Variants in TMEM248 observed in about 807,000 individuals in gnomAD.
TMEM248 encodes UPF0458 protein C7orf42.
A neutral mutation model predicts 30.3 loss-of-function variants in TMEM248; 9 were observed. The ratio of observed to expected loss-of-function variants is 0.30; its 90% CI spans 0.18 to 0.52. The LOEUF (loss-of-function observed/expected upper bound fraction) is 0.52. TMEM248 is among the 20% of genes least tolerant of loss of function. The probability of loss-of-function intolerance (pLI) is 0.97; values close to 1 mark genes in which losing one functional copy is unlikely to be tolerated. For synonymous variants in TMEM248, 184 were observed against 154.4 expected (o/e 1.19, Z -1.42); for missense variants, 338 against 403.3 (o/e 0.84, Z 1.39).
chr7:66,947,815 T>A (rs1792151250), intron 3 of TMEM248, among the ~76,000 whole-genome samples: 1 of 152,128 alleles, frequency 6.6e-6, no homozygotes, highest in African/African-American at 2.4e-5. Flanking sequence ...CAGGCTAGAG[T>A]GCAGTGGTGT....
At chr7:66,947,232 AAAAC>A (rs1228474154) in intron 3 of TMEM248, among the ~76,000 whole-genome samples, 3 of 151,468 alleles carry the variant, frequency 2.0e-5, no homozygotes, top group African/African-American at 4.8e-5. Flanking sequence ...AAAAAAAAAA[AAAAC>A]AAGAAACAAA....
intron 1 of TMEM248, among the ~76,000 whole-genome samples, chr7:66,932,541 A>C (rs1791695112): frequency 6.9e-6 from 1 of 144,064 alleles, no homozygotes; most frequent in African/African-American, 2.6e-5. Context: ...TTTGAGATGG[A>C]GTCTTAGTCT....
chr7:66,948,549 G>T lies in TMEM248; in HGVS notation c.451G>T (p.Glu151Ter). ...LGHQIGLSGR[E>*]AHEEINITFT... is the part of the protein sequence containing the mutation. ...AAATGATTTCTCTTTCATAGGCAGG[G>T]AAGCCCACGAGGAGATAAACATCAC... The change falls in exon 4 of 7, where the codon GAA (glutamate) becomes TAA (stop). Residue 151 changes from glutamate (E) to a stop codon, truncating the protein, a stop_gained. Transcript: ENST00000341567. LOFTEE classifies it high-confidence loss of function. 1 of 1,613,320 alleles carries T rather than the reference G, an allele frequency of 6.2e-7. No homozygotes were observed. The highest frequency in any genetic ancestry group is 8.5e-7 in the Non-Finnish European group (1 of 1,179,660).
At chr7:66,930,321 C>T (rs944187515) in intron 1 of TMEM248, among the ~76,000 whole-genome samples, 1 of 152,146 alleles carries the variant, frequency 6.6e-6, no homozygotes, top group Admixed American at 6.6e-5. Flanking sequence ...TGAGTAGGTA[C>T]ATAAAATGGG....
chr7:66,925,804 G>A (rs947672528), intron 1 of TMEM248, among the ~76,000 whole-genome samples: 3 of 151,070 alleles, frequency 2.0e-5, no homozygotes, highest in South Asian at 2.1e-4. Context: ...ACCACGCCAC[G>A]CTAATTTTTT....
At chr7:66,923,385 G>T (rs1791439386) in intron 1 of TMEM248, among the ~76,000 whole-genome samples, 2 of 151,912 alleles carry the variant, frequency 1.3e-5, no homozygotes, top group African/African-American at 4.8e-5. Flanking sequence ...CAGGTGATCT[G>T]CCCACCTTGG....
At chr7:66,937,454 G>T (rs954228640) in intron 1 of TMEM248, among the ~76,000 whole-genome samples, 1 of 152,242 alleles carries the variant, frequency 6.6e-6, no homozygotes, top group African/African-American at 2.4e-5. Flanking sequence ...AAAGCAGAGT[G>T]TTGAAGTCTC....
chr7:66,953,461 G>A, intron 6 of TMEM248, 92 bp downstream of exon 6: 2 of 1,496,326 alleles, frequency 1.3e-6, no homozygotes, highest in Non-Finnish European at 1.8e-6. Flanking sequence ...ATTGTGGGTG[G>A]CACCTTTCGT....
In TMEM248 at chr7:66,951,080, C is replaced by T. The variant is rs780760860; in HGVS notation, c.725C>T (p.Ala242Val). The change falls in exon 5 of 7, where the codon GCC becomes GTC. Residue 242 changes from alanine (A) to valine (V), a missense_variant. Coordinates refer to ENST00000341567, the MANE Select transcript of TMEM248 (RefSeq NM_017994.5). The stretch of plus-strand genomic sequence containing the variant: ...AATCCTTTCTGGTGTTATAAGGGGG[C>T]CATTGGAAAAGTCTATCATGCTTTA... ...DYNPFWCYKG[A>V]IGKVYHALNP... 1 of 1,608,472 alleles carries T rather than the reference C, an allele frequency of 6.2e-7. No individual in the cohort carries two copies. Among genetic ancestry groups the T allele is most frequent in the South Asian group, 1.1e-5 (1 of 89,980 alleles).
chr7:66,945,096 G>A lies in TMEM248; in HGVS notation c.280G>A (p.Ala94Thr). 6.2e-7 allele frequency: 1 copy of A among 1,614,244 alleles called. No individual in the cohort carries two copies. Among genetic ancestry groups the A allele is most frequent in the Non-Finnish European group, 8.5e-7 (1 of 1,180,050 alleles). ...TPESTMTSGQ[A>T]RASTQSPQAL... ...GGAAAGTACAATGACCAGCGGGCAG[G>A]CCCGAGCTTCCACCCAGTCCCCCCA... Residue 94 changes from alanine to threonine, a missense_variant, in exon 3 of 7, where the codon GCC becomes ACC. Physicochemically the swap from Ala to Thr is moderately conservative, Grantham distance 58. Coordinates refer to ENST00000341567, the MANE Select transcript of TMEM248 (RefSeq NM_017994.5).
chr7:66,953,842 GT>G (rs1239908251), intron 6 of TMEM248, among the ~76,000 whole-genome samples: 3 of 151,820 alleles, frequency 2.0e-5, no homozygotes, highest in African/African-American at 7.3e-5. Context: ...CTGACCTCAA[GT>G]GATCCACCCG....
chr7:66,940,919 A>C (rs911935507), intron 1 of TMEM248, among the ~76,000 whole-genome samples: 15 of 151,020 alleles, frequency 9.9e-5, no homozygotes, highest in Non-Finnish European at 2.9e-5. Flanking sequence ...ACCTTTTCTT[A>C]AGTGATACGG....
In TMEM248 at chr7:66,953,345, C is replaced by T. The variant is rs778545598; in HGVS notation, c.900C>T (p.Ser300=). The T allele has an allele frequency of 6.2e-7, 1 of 1,614,138 alleles. No individual in the cohort carries two copies. The change falls in exon 6 of 7, where the codon AGC becomes AGT. Residue 300 remains serine, a synonymous_variant. Coordinates refer to ENST00000341567, the MANE Select transcript of TMEM248 (RefSeq NM_017994.5). ...IKGRPSKLRQ[S]NPEFCPEKVA... ...GCAGACCTAGCAAATTGCGTCAGAGCAATCCTGAATTTTGTCCCGAGAAGG... is the reference window on the plus strand; with the variant it reads ...GCAGACCTAGCAAATTGCGTCAGAGTAATCCTGAATTTTGTCCCGAGAAGG...
chr7:66,927,997 C>G (rs1179465234), intron 1 of TMEM248, among the ~76,000 whole-genome samples: 1 of 152,088 alleles, frequency 6.6e-6, no homozygotes, highest in African/African-American at 2.4e-5. Context: ...GGTGGATCAC[C>G]TGAGGTCAGG....
At chr7:66,930,518 T>C (rs1454290780) in intron 1 of TMEM248, 2 of 152,242 alleles carry the variant, frequency 1.3e-5, no homozygotes, top group East Asian at 3.8e-4. Context: ...AGTTAGGGAC[T>C]GGAGCTCCAG....
chr7:66,953,079 G>A, intron 5 of TMEM248, 147 bp from the exon 6 acceptor site: 1 of 846,852 alleles, frequency 1.2e-6, no homozygotes, highest in Non-Finnish European at 1.8e-6. Context: ...CATTTAGGAG[G>A]CAAAAGGAGA....
chr7:66,955,019 T>C (rs1370938302), intron 6 of TMEM248, among the ~76,000 whole-genome samples: 1 of 152,148 alleles, frequency 6.6e-6, no homozygotes, highest in Admixed American at 6.5e-5. Flanking sequence ...CCCAGGACTT[T>C]TAGGAGGCTG....
intron 1 of TMEM248, among the ~76,000 whole-genome samples, chr7:66,932,495 A>G (rs1408248296): frequency 6.6e-6 from 1 of 151,540 alleles, no homozygotes; most frequent in African/African-American, 2.4e-5. Flanking sequence ...AGGATTGTGC[A>G]GAGCACAGTT....
At chr7:66,921,506 G>T (rs1459656572) in intron 1 of TMEM248, 45 bp downstream of exon 1, 1 of 151,798 alleles carries the variant, frequency 6.6e-6, no homozygotes. Context: ...CCCAGTCGGG[G>T]CTGCCCGCGG....
Sources: gnomAD v4.1 joint callset for allele counts (sites outside exome capture counted in the v4.1 genomes callset) on GRCh38, gnomAD v4.1.1 for gene constraint, MANE v1.5 for transcripts, NCBI Gene and HGNC (gene_info 2026-07-23, HGNC 2026-07-21) for gene names.